Variants in FRMD4A observed in about 807,000 individuals in gnomAD.
FRMD4A encodes FERM domain containing 4A, also known as FERM domain-containing protein 4A.
In FRMD4A, 29 loss-of-function variants were observed where a neutral mutation model predicts 129.1. The ratio of observed to expected loss-of-function variants is 0.22; its 90% CI spans 0.17 to 0.31. The LOEUF (loss-of-function observed/expected upper bound fraction) is 0.31, where lower values mean the gene tolerates loss of function less well. Among genes scored for constraint, FRMD4A ranks in the 10% least tolerant of loss-of-function variants. The pLI is 1.00. For missense variants in FRMD4A, 1,272 were observed against 1,375.8 expected (o/e 0.92, Z 1.19); for synonymous variants, 634 against 571.6 (o/e 1.11, Z -1.56).
At chr10:13,778,010 TCAGGCTG>T (rs2092640554) in intron 6 of FRMD4A, among the ~76,000 whole-genome samples, 1 of 151,460 alleles carries the variant, frequency 6.6e-6, no homozygotes, top group South Asian at 2.1e-4. Flanking sequence ...ACCATGTTGG[TCAGGCTG>T]GTCTCGAACT....
At chr10:13,693,605 T>C (rs937459430) in intron 15 of FRMD4A, 5 of 806,928 alleles carry the variant, frequency 6.2e-6, no homozygotes, top group African/African-American at 3.5e-5. Flanking sequence ...GCCATGGGGA[T>C]TGTGAAACGC....
chr10:13,803,477 G>A (rs2093298548), intron 4 of FRMD4A, among the ~76,000 whole-genome samples: 1 of 151,818 alleles, frequency 6.6e-6, no homozygotes, highest in South Asian at 2.1e-4. Flanking sequence ...GACTACAGGT[G>A]CACACCACCA....
rs1589471460 is a variant in FRMD4A at position 13,707,060 on chromosome 10, G to A, written c.813C>T (p.Ser271=). Residue 271 remains serine, a synonymous_variant, in exon 13 of 25, where the codon TCC becomes TCT. Transcript: ENST00000357447. ...ACCTGCGTGGGTCATGAACTTCCACGGAAAACTTCTTTTCTCTGAAGTACA... is the reference window on the plus strand; with the variant it reads ...ACCTGCGTGGGTCATGAACTTCCACAGAAAACTTCTTTTCTCTGAAGTACA... ...ENLYFREKKF[S]VEVHDPRRAS... is the part of the protein sequence containing the mutation. 11 of 1,590,628 alleles carry A rather than the reference G, an allele frequency of 6.9e-6. No individual in the cohort carries two copies. The highest frequency in any genetic ancestry group is 9.5e-6 in the Non-Finnish European group (11 of 1,158,722).
chr10:14,248,938 T>G (rs1844338379), intron 2 of FRMD4A, among the ~76,000 whole-genome samples: 1 of 152,210 alleles, frequency 6.6e-6, no homozygotes. Context: ...TAAGGATTCT[T>G]TTATTTGGAA....
At chr10:14,145,879 T>C (rs984189883) in intron 2 of FRMD4A, among the ~76,000 whole-genome samples, 9 of 152,200 alleles carry the variant, frequency 5.9e-5, no homozygotes, top group African/African-American at 1.4e-4. Flanking sequence ...TGCAACCATT[T>C]CCATTTAGAG....
chr10:14,044,322 CT>C (rs1227859423), intron 2 of FRMD4A, among the ~76,000 whole-genome samples: 1 of 152,142 alleles, frequency 6.6e-6, no homozygotes, highest in Non-Finnish European at 1.5e-5. Context: ...TTCTCTAATT[CT>C]TTCTGCATTT....
chr10:13,910,826 A>C (rs1172946454), intron 2 of FRMD4A, among the ~76,000 whole-genome samples: 1 of 147,784 alleles, frequency 6.8e-6, no homozygotes, highest in Non-Finnish European at 1.5e-5. Flanking sequence ...TGCCCCGTGC[A>C]TGTACCAGAA....
intron 5 of FRMD4A, among the ~76,000 whole-genome samples, chr10:13,792,264 G>A (rs938670901): frequency 6.6e-6 from 1 of 152,186 alleles, no homozygotes. Context: ...GGCCAAGCGT[G>A]GGTCACAAAG....
intron 15 of FRMD4A, among the ~76,000 whole-genome samples, chr10:13,676,280 T>TC (rs1221378488): frequency 3.9e-5 from 6 of 151,906 alleles, no homozygotes; most frequent in African/African-American, 9.7e-5. Context: ...CTTTTTTTTT[T>TC]CAGACAGTTT....
rs542596982 is a variant in FRMD4A, at chr10:14,187,196, T to C, written c.45+142862A>G. Among the ~76,000 whole-genome samples, 7 of 152,068 alleles carry C rather than the reference T, an allele frequency of 4.6e-5. No homozygotes were observed. The South Asian group carries it at 1.5e-3, about 32-fold the overall frequency. ...GGAGGGAGGGCGACACTCTTCCTTA[T>C]AACAAGAAACAGCTTGCATTCTATA... On this transcript the variant is annotated intron_variant, in intron 2 of 24. Transcript: ENST00000357447.
intron 2 of FRMD4A, among the ~76,000 whole-genome samples, chr10:14,055,111 G>T (rs1834445367): frequency 6.6e-6 from 1 of 152,006 alleles, no homozygotes; most frequent in African/African-American, 2.4e-5. Context: ...AAGATGGGAG[G>T]TGAGAGCACT....
chr10:13,719,092 G>C (rs1047932067), intron 12 of FRMD4A, among the ~76,000 whole-genome samples: 6 of 152,180 alleles, frequency 3.9e-5, no homozygotes, highest in Admixed American at 2.6e-4. Context: ...GGTGACACTT[G>C]AGCCCTCCTC....
At chr10:14,165,445 G>A (rs896559321) in intron 2 of FRMD4A, among the ~76,000 whole-genome samples, 1 of 152,194 alleles carries the variant, frequency 6.6e-6, no homozygotes, top group African/African-American at 2.4e-5. Flanking sequence ...CCTGTTTAAA[G>A]CAGTTTGGAG....
Position 13,911,167 on chromosome 10 carries a change from G to T in FRMD4A, c.46-52255C>A, listed in dbSNP as rs1215820303. ...AATCCAAATAAATAACATTAATCAT[G>T]AAGAGTGGCTCACAAATCTTTTTTC... is the stretch of plus-strand genomic sequence containing the variant. On this transcript the variant is annotated intron_variant, in intron 2 of 24. Coordinates refer to ENST00000357447, the MANE Select transcript of FRMD4A (RefSeq NM_018027.5). Among the ~76,000 whole-genome samples, 6 of 152,248 alleles carry T rather than the reference G, an allele frequency of 3.9e-5. No homozygotes were observed. The East Asian group carries it at 9.6e-4, about 24-fold the overall frequency.
chr10:14,050,124 C>A (rs1176685130), intron 2 of FRMD4A, among the ~76,000 whole-genome samples: 1 of 152,190 alleles, frequency 6.6e-6, no homozygotes, highest in Non-Finnish European at 1.5e-5. Flanking sequence ...GGGCTAATGA[C>A]ATTCTTCTCA....
chr10:14,119,620 G>A (rs911629608), intron 2 of FRMD4A, among the ~76,000 whole-genome samples: 3 of 152,156 alleles, frequency 2.0e-5, no homozygotes, highest in African/African-American at 7.2e-5. Flanking sequence ...GTGATTAATG[G>A]AGGCCTGTAG....
chr10:14,197,002 T>C (rs972066028), intron 2 of FRMD4A, among the ~76,000 whole-genome samples: 5 of 152,078 alleles, frequency 3.3e-5, no homozygotes, highest in African/African-American at 9.7e-5. Context: ...ACGAATTGGG[T>C]GAATCCTAGA....
intron 2 of FRMD4A, among the ~76,000 whole-genome samples, chr10:14,232,444 T>A (rs1199919372): frequency 1.3e-5 from 2 of 152,254 alleles, no homozygotes; most frequent in African/African-American, 4.8e-5. Context: ...AATTTTAGAA[T>A]AGTTTTTTCT....
intron 2 of FRMD4A, among the ~76,000 whole-genome samples, chr10:14,212,526 C>A (rs1049673858): frequency 6.6e-6 from 1 of 152,152 alleles, no homozygotes; most frequent in Non-Finnish European, 1.5e-5. Context: ...ATGTCCGCTG[C>A]CAGCTCAGCT....
Sources: gnomAD v4.1 joint callset for allele counts (sites outside exome capture counted in the v4.1 genomes callset) on GRCh38, gnomAD v4.1.1 for gene constraint, MANE v1.5 for transcripts, NCBI Gene and HGNC (gene_info 2026-07-23, HGNC 2026-07-21) for gene names.